Variants in PTBP2 observed in about 807,000 individuals in gnomAD.
The protein encoded by PTBP2 is polypyrimidine tract binding protein 2, also known as polypyrimidine tract-binding protein 2.
A neutral mutation model predicts 61.4 loss-of-function variants in PTBP2; 13 were observed. That is an observed-to-expected ratio of 0.21 (90% CI 0.14 to 0.34). The LOEUF (loss-of-function observed/expected upper bound fraction) is 0.34, where lower values mean the gene tolerates loss of function less well. Among genes scored for constraint, PTBP2 ranks in the 10% least tolerant of loss-of-function variants. The pLI, the probability that PTBP2 is intolerant of heterozygous loss-of-function variation, is 1.00. For missense variants in PTBP2, 405 were observed against 642.6 expected, an observed-to-expected ratio of 0.63 and a Z score of 4.00; for synonymous variants, 215 against 218.5, an observed-to-expected ratio of 0.98 and a Z score of 0.14.
At chr1:96,738,115 A>G (rs1652476963) in intron 2 of PTBP2, among the ~76,000 whole-genome samples, 1 of 152,184 alleles carries the variant, frequency 6.6e-6, no homozygotes, top group Admixed American at 6.5e-5. Context: ...CAGGTAAGAC[A>G]TATGTGTTTG....
At chr1:96,812,047 C>T (rs2101262698) in intron 11 of PTBP2, among the ~76,000 whole-genome samples, 1 of 152,214 alleles carries the variant, frequency 6.6e-6, no homozygotes, top group Non-Finnish European at 1.5e-5. Flanking sequence ...CATGTTGGCC[C>T]TCAGTTTTGG....
At chr1:96,745,414 G>A (rs988592640) in intron 2 of PTBP2, among the ~76,000 whole-genome samples, 3 of 152,068 alleles carry the variant, frequency 2.0e-5, no homozygotes, top group African/African-American at 4.8e-5. Context: ...CGTCTGCCTC[G>A]GCCTCCCAAA....
intron 8 of PTBP2, among the ~76,000 whole-genome samples, chr1:96,786,566 A>G (rs7522147): frequency 0.045 from 6,824 of 152,226 alleles, 473 homozygotes; most frequent in African/African-American, 0.15. Flanking sequence ...TATAATTATT[A>G]CTATAGATTA....
intron 8 of PTBP2, among the ~76,000 whole-genome samples, chr1:96,788,085 A>C (rs1481677431): frequency 6.6e-6 from 1 of 152,130 alleles, no homozygotes; most frequent in Non-Finnish European, 1.5e-5. Flanking sequence ...CACAAGATTA[A>C]TTTGATAGGC....
chr1:96,728,173 C>A (rs1313812181), intron 2 of PTBP2, among the ~76,000 whole-genome samples: 2 of 151,986 alleles, frequency 1.3e-5, no homozygotes, highest in African/African-American at 4.8e-5. Context: ...TTTTTATAGA[C>A]CCGGGGTCTC....
chr1:96,819,503 C>G (rs1360098449), downstream of PTBP2: 3 of 151,878 alleles, frequency 2.0e-5, no homozygotes, highest in East Asian at 5.8e-4. Context: ...CTCTGTTTTT[C>G]TTCCATCATT....
At chr1:96,763,447 G>C (rs1020914147) in intron 3 of PTBP2, among the ~76,000 whole-genome samples, 1 of 151,428 alleles carries the variant, frequency 6.6e-6, no homozygotes, top group Non-Finnish European at 1.5e-5. Flanking sequence ...GCGTGGCGGC[G>C]CGTGCCTGCA....
At chr1:96,818,884 A>C (rs1662578493), downstream of PTBP2, 1 of 152,074 alleles carries the variant, frequency 6.6e-6, no homozygotes, top group Non-Finnish European at 1.5e-5. Flanking sequence ...ATTGTAACTT[A>C]CCTGTAGTTA....
At chr1:96,729,806 G>T (rs1379469965) in intron 2 of PTBP2, among the ~76,000 whole-genome samples, 1 of 147,316 alleles carries the variant, frequency 6.8e-6, no homozygotes, top group East Asian at 2.0e-4. Context: ...GCACCATCTC[G>T]GCTCAATGCA....
chr1:96,769,582 A>C lies in PTBP2; in HGVS notation c.116-121A>C, dbSNP rs189849284. 200 of 604,216 alleles carry C rather than the reference A, an allele frequency of 3.3e-4. No homozygotes were observed. The African/African-American group carries it at 3.5e-3, about 11-fold the overall frequency. The allele number at this position is 604,216 out of a possible 1,614,324, so 37.4% of individuals were successfully genotyped here. ...GCATTTGAATTTTCAAGAATTATTT[A>C]AGTATTCTCAGCTATGTTTTTAAGT... is the stretch of plus-strand genomic sequence containing the variant. On this transcript the variant is annotated intron_variant, in intron 3 of 13. Transcript: ENST00000674951.
intron 3 of PTBP2, among the ~76,000 whole-genome samples, chr1:96,762,273 G>C (rs1655989447): frequency 6.7e-6 from 1 of 149,402 alleles, no homozygotes; most frequent in Non-Finnish European, 1.5e-5. Flanking sequence ...TGGTGGCCGG[G>C]CAGAGGGGCT....
At chr1:96,784,072 A>T (rs549049801) in intron 7 of PTBP2, among the ~76,000 whole-genome samples, 6 of 152,230 alleles carry the variant, frequency 3.9e-5, no homozygotes, top group Admixed American at 3.9e-4. Context: ...TACTTAAGCA[A>T]CTGTAGAGGT....
At chr1:96,762,165 A>T (rs1413640250) in intron 3 of PTBP2, among the ~76,000 whole-genome samples, 4 of 150,594 alleles carry the variant, frequency 2.7e-5, no homozygotes, top group African/African-American at 7.4e-5. Context: ...CGATTTCTCA[A>T]TCTTTTCCCC....
At chr1:96,722,005 C>T in intron 1 of PTBP2, 133 bp downstream of exon 1, 2 of 1,156,830 alleles carry the variant, frequency 1.7e-6, no homozygotes, top group Non-Finnish European at 1.2e-6. Flanking sequence ...ACCCCCGCCC[C>T]ATCGCACACA....
chr1:96,749,911 A>G lies in PTBP2; in HGVS notation c.40-1514A>G, dbSNP rs534217444. ...GTACTGTTACCTAACTGATAAGTGGAAGCTGAGCTCCAGAGCACCCTTTCT... is the reference window on the plus strand; with the variant it reads ...GTACTGTTACCTAACTGATAAGTGGGAGCTGAGCTCCAGAGCACCCTTTCT... On this transcript the variant is annotated intron_variant, in intron 2 of 13. Transcript: ENST00000674951. Among the ~76,000 whole-genome samples, 5 of 152,280 alleles carry G rather than the reference A, an allele frequency of 3.3e-5. No individual in the cohort carries two copies. The South Asian group carries it at 8.3e-4, about 25-fold the overall frequency.
intron 2 of PTBP2, among the ~76,000 whole-genome samples, chr1:96,731,008 TG>T (rs1328001678): frequency 6.6e-6 from 1 of 152,140 alleles, no homozygotes; most frequent in East Asian, 1.9e-4. Context: ...AGAAGTCCAC[TG>T]TTTTTTTTTA....
intron 2 of PTBP2, among the ~76,000 whole-genome samples, chr1:96,738,538 A>G (rs1400169331): frequency 6.6e-6 from 1 of 152,116 alleles, no homozygotes; most frequent in Non-Finnish European, 1.5e-5. Flanking sequence ...AATACTTTGC[A>G]TTGTTGGATT....
rs780153937 is a variant in PTBP2 at position 96,751,494 on chromosome 1, G to C, written c.109G>C (p.Val37Leu). 8.1e-6 allele frequency: 13 copies of C among 1,611,348 alleles called. No individual in the cohort carries two copies. The highest frequency in any genetic ancestry group is 1.1e-5 in the Non-Finnish European group (13 of 1,178,006). ...SPNSNMSSMVVTANGNDSKKF... is the reference protein window; with the variant it reads ...SPNSNMSSMVLTANGNDSKKF... ...GAACTCTAATATGAGCAGCATGGTA[G>C]TTACAGGTAAGTGTTACTCTCTTAG... Residue 37 changes from valine (V) to leucine (L), a missense_variant, in exon 3 of 14, where the codon GTT becomes CTT. By Grantham distance (32) the Val-to-Leu change is conservative. This residue lies in a region of PTBP2 where 342 missense variants were observed against 491.2 expected (regional missense o/e 0.70). Coordinates refer to ENST00000674951, the MANE Select transcript of PTBP2 (RefSeq NM_021190.4).
At chr1:96,820,054 C>T (rs2101317305) in exon 14 of PTBP2, 1 of 152,006 alleles carries the variant, frequency 6.6e-6, no homozygotes, top group South Asian at 2.1e-4. Flanking sequence ...CACTTTTACT[C>T]TGGAAAAAGC....
Sources: allele counts gnomAD v4.1 joint callset (sites outside exome capture counted in the v4.1 genomes callset), GRCh38; gene constraint gnomAD v4.1.1; regional missense constraint gnomAD v4.1.1; transcripts MANE v1.5; gene names NCBI Gene and HGNC (gene_info 2026-07-23, HGNC 2026-07-21).